The following SMARCA2 variants were observed in gnomAD, a reference collection of about 807,000 sequenced individuals.
The protein encoded by SMARCA2 is SWI/SNF related BAF chromatin remodeling complex subunit ATPase 2.
SMARCA2 carries 61 observed loss-of-function variants against 199.8 expected under a neutral mutation model. The ratio of observed to expected loss-of-function variants is 0.31; its 90% CI spans 0.25 to 0.38. SMARCA2 has a LOEUF of 0.38. Ranked by LOEUF, SMARCA2 falls within the 10% of genes least tolerant of loss-of-function variation. The pLI, the probability that SMARCA2 is intolerant of heterozygous loss-of-function variation, is 1.00. For synonymous variants in SMARCA2, 935 were observed against 732.0 expected (o/e 1.28, Z -4.48); for missense variants, 1,344 against 2,012.2 (o/e 0.67, Z 6.35).
At chr9:2,094,944 G>A (rs1400754066) in intron 19 of SMARCA2, among the ~76,000 whole-genome samples, 1 of 151,942 alleles carries the variant, frequency 6.6e-6, no homozygotes, top group Non-Finnish European at 1.5e-5. Context: ...TAGAAGCCTG[G>A]GGTAATCATT....
At chr9:2,103,248 C>T (rs1822605938) in intron 22 of SMARCA2, among the ~76,000 whole-genome samples, 1 of 152,116 alleles carries the variant, frequency 6.6e-6, no homozygotes, top group Non-Finnish European at 1.5e-5. Context: ...CACACCTGCT[C>T]AGCGTAGCCT....
intron 2 of SMARCA2, among the ~76,000 whole-genome samples, chr9:2,030,299 G>A (rs1819005301): frequency 6.6e-6 from 1 of 152,192 alleles, no homozygotes; most frequent in African/African-American, 2.4e-5. Context: ...AGCAGAACCT[G>A]TGGTATAGTT....
In SMARCA2 at chr9:2,104,239, C is replaced by A; in HGVS notation, c.3292+70C>A. On this transcript the variant is annotated intron_variant, in intron 23 of 33. Coordinates refer to ENST00000349721, the MANE Select transcript of SMARCA2 (RefSeq NM_003070.5). The surrounding 1 kb of genome is among the most constrained non-coding windows in gnomAD (Gnocchi z 4.0). The stretch of plus-strand genomic sequence containing the variant: ...TGAAGGGATAATGGGCACTTAGGTC[C>A]AATCTCAGCCAAAAAGAAGGGGTAA... 7.4e-7 allele frequency: 1 copy of A among 1,344,034 alleles called. No individual in the cohort carries two copies. Among genetic ancestry groups the A allele is most frequent in the South Asian group, 1.4e-5 (1 of 73,744 alleles). The allele number at this position is 1,344,034 out of a possible 1,614,324, so 83.3% of individuals were successfully genotyped here.
chr9:2,130,290 G>A (rs751856532), intron 27 of SMARCA2, among the ~76,000 whole-genome samples: 1 of 152,200 alleles, frequency 6.6e-6, no homozygotes, highest in Non-Finnish European at 1.5e-5. Context: ...TCCTGTTCCC[G>A]AGTGATAGCA....
In SMARCA2 at chr9:2,060,803, C is replaced by A. The variant is rs1326991538; in HGVS notation, c.1522-13C>A. The stretch of plus-strand genomic sequence containing the variant: ...TATATTATGCTCTCATCCTGCTCTT[C>A]TTTCCTTAATAGGCTGAAGATGAGG... On this transcript the variant is annotated splice_polypyrimidine_tract_variant and intron_variant, in intron 8 of 33. Transcript: ENST00000349721. 1 of 1,612,772 alleles carries A rather than the reference C, an allele frequency of 6.2e-7. No homozygotes were observed. Among genetic ancestry groups the A allele is most frequent in the African/African-American group, 1.3e-5 (1 of 74,900 alleles).
At chr9:2,117,969 C>A (rs1823283373) in intron 25 of SMARCA2, among the ~76,000 whole-genome samples, 1 of 152,178 alleles carries the variant, frequency 6.6e-6, no homozygotes, top group Admixed American at 6.5e-5. Flanking sequence ...TTGATGCGAC[C>A]ATGAAGTGCT....
Position 2,123,660 on chromosome 9 carries a change from G to C in SMARCA2, c.3763-59G>C, listed in dbSNP as rs1193432726. 1.4e-6 allele frequency: 2 copies of C among 1,441,064 alleles called. No homozygotes were observed. Among genetic ancestry groups the C allele is most frequent in the Non-Finnish European group, 1.9e-6 (2 of 1,029,472 alleles). 89.3% of individuals were successfully genotyped at this position (1,441,064 alleles called of 1,614,324 possible). A position where few individuals can be genotyped will look rare whatever the true frequency, so the allele number is the denominator to read the frequency against. On this transcript the variant is annotated intron_variant, in intron 26 of 33. Transcript: ENST00000349721. The surrounding 1 kb of genome is among the most constrained non-coding windows in gnomAD (Gnocchi z 4.1). ...GACTTGGGGAAGTTGTGTAGTGCTG[G>C]GAAGTCTGCACCATACAGAAGCCCT...
intron 2 of SMARCA2, among the ~76,000 whole-genome samples, chr9:2,031,308 T>A (rs555035162): frequency 6.6e-6 from 1 of 152,334 alleles, no homozygotes; most frequent in South Asian, 2.1e-4. Context: ...GGGGACCTAT[T>A]GAACATATTG....
intron 27 of SMARCA2, among the ~76,000 whole-genome samples, chr9:2,154,458 A>G (rs1294098665): frequency 6.6e-6 from 1 of 152,092 alleles, no homozygotes; most frequent in Non-Finnish European, 1.5e-5. Flanking sequence ...TTGGGCTGTT[A>G]ATGGACATTC....
At chr9:2,099,264 T>C (rs2130536093) in intron 21 of SMARCA2, among the ~76,000 whole-genome samples, 1 of 152,316 alleles carries the variant, frequency 6.6e-6, no homozygotes, top group East Asian at 1.9e-4. Flanking sequence ...AGTCTAATGA[T>C]GAAACTGTCT....
intron 27 of SMARCA2, among the ~76,000 whole-genome samples, chr9:2,135,558 T>C (rs1824157153): frequency 6.6e-6 from 1 of 152,172 alleles, no homozygotes; most frequent in African/African-American, 2.4e-5. Flanking sequence ...TATCTAACAG[T>C]AACCTCTAAA....
intron 9 of SMARCA2, 149 bp downstream of exon 9, chr9:2,061,135 G>A: frequency 1.4e-6 from 1 of 722,242 alleles, no homozygotes; most frequent in South Asian, 1.9e-5. Flanking sequence ...GGTATGGCAT[G>A]GAAGTGTTGA....
At chr9:2,159,047 G>A (rs2130745937) in intron 27 of SMARCA2, 3 of 1,568,584 alleles carry the variant, frequency 1.9e-6, no homozygotes, top group Non-Finnish European at 1.7e-6. Context: ...CGTATTAGCA[G>A]TTGTAATAAA....
intron 9 of SMARCA2, among the ~76,000 whole-genome samples, chr9:2,066,677 T>C (rs924574326): frequency 7.2e-5 from 11 of 152,186 alleles, no homozygotes; most frequent in Non-Finnish European, 1.6e-4. Context: ...TCTTGTTCAG[T>C]GTTTTGTTTT....
intron 1 of SMARCA2, chr9:2,027,726 T>C (rs1351532110): frequency 6.6e-6 from 1 of 152,202 alleles, no homozygotes; most frequent in Non-Finnish European, 1.5e-5. Flanking sequence ...AGCCCTGCTA[T>C]GGTGACTAGG....
chr9:2,158,011 C>T, intron 27 of SMARCA2: 1 of 395,754 alleles, frequency 2.5e-6, no homozygotes, highest in East Asian at 3.6e-5. Context: ...ATGACTGTCT[C>T]CTGCATTTTG....
At chr9:2,030,310 C>T (rs1251162926) in intron 2 of SMARCA2, among the ~76,000 whole-genome samples, 2 of 152,086 alleles carry the variant, frequency 1.3e-5, no homozygotes, top group African/African-American at 4.8e-5. Context: ...TGGTATAGTT[C>T]CGGTCTGAGT....
intron 27 of SMARCA2, among the ~76,000 whole-genome samples, chr9:2,126,366 C>T (rs190785549): frequency 6.6e-6 from 1 of 152,208 alleles, no homozygotes; most frequent in Non-Finnish European, 1.5e-5. Flanking sequence ...ATGAAACTGG[C>T]AACTTGTTAT....
intron 1 of SMARCA2, among the ~76,000 whole-genome samples, chr9:2,018,358 T>G (rs1818455142): frequency 6.6e-6 from 1 of 152,036 alleles, no homozygotes; most frequent in Admixed American, 6.5e-5. Flanking sequence ...GGTTGTCTCT[T>G]TTTTTTCCTC....
Sources: gnomAD v4.1 joint callset for allele counts (sites outside exome capture counted in the v4.1 genomes callset) on GRCh38, gnomAD v4.1.1 for gene constraint, Gnocchi (gnomAD v3.1) non-coding constraint, MANE v1.5 for transcripts, NCBI Gene and HGNC (gene_info 2026-07-23, HGNC 2026-07-21) for gene names.